The following KCNMB4 variants were observed in gnomAD, a reference collection of about 807,000 sequenced individuals.
The protein encoded by KCNMB4 is calcium-activated potassium channel subunit beta-4.
A neutral mutation model predicts 20.7 loss-of-function variants in KCNMB4; 3 were observed. The ratio of observed to expected loss-of-function variants is 0.14; its 90% confidence interval spans 0.07 to 0.37. The LOEUF is 0.37. KCNMB4 is among the 10% of genes least tolerant of loss of function. The pLI is 1.00. For synonymous variants in KCNMB4, 110 were observed against 113.4 expected (o/e 0.97, Z 0.19); for missense variants, 168 against 265.9 (o/e 0.63, Z 2.56).
rs1428103027 is a variant in KCNMB4 at position 70,366,612 on chromosome 12, TC to T, written c.-119del. The T allele has an allele frequency of 1.6e-6, 1 of 613,782 alleles. No individual in the cohort carries two copies. Among genetic ancestry groups the T allele is most frequent in the African/African-American group, 2.0e-5 (1 of 48,856 alleles). The allele number at this position is 613,782 out of a possible 1,614,324, so 38.0% of individuals were successfully genotyped here. Reference sequence around the variant, plus strand: ...TCGCGCGCTCCCCCTCGCCGCCCACTCCCCTGCTGTCGCGCGGCGGCGGCGG... The same window carrying T: ...TCGCGCGCTCCCCCTCGCCGCCCACTCCCTGCTGTCGCGCGGCGGCGGCGG... On this transcript the variant is annotated 5_prime_UTR_variant, in exon 1 of 3. Coordinates refer to ENST00000258111, the MANE Select transcript of KCNMB4 (RefSeq NM_014505.6).
chr12:70,380,230 G>A (rs919969515), intron 1 of KCNMB4, among the ~76,000 whole-genome samples: 1 of 152,164 alleles, frequency 6.6e-6, no homozygotes, highest in African/African-American at 2.4e-5. Flanking sequence ...TAGAGAGACA[G>A]GGGAACAGGT....
chr12:70,409,202 C>G (rs374065550), intron 2 of KCNMB4, among the ~76,000 whole-genome samples: 1 of 152,132 alleles, frequency 6.6e-6, no homozygotes, highest in Non-Finnish European at 1.5e-5. Context: ...CAAACACACA[C>G]GTCAAATGAA....
At chr12:70,405,107 C>A (rs1419393516) in intron 2 of KCNMB4, among the ~76,000 whole-genome samples, 3 of 152,008 alleles carry the variant, frequency 2.0e-5, no homozygotes, top group Admixed American at 1.3e-4. Context: ...TTAGGTACAG[C>A]CTTTGATAAG....
chr12:70,423,375 A>C (rs1869120888), intron 2 of KCNMB4, among the ~76,000 whole-genome samples: 1 of 152,230 alleles, frequency 6.6e-6, no homozygotes, highest in African/African-American at 2.4e-5. Flanking sequence ...TGTTTATAAC[A>C]TTCATACATC....
rs150964698 is a variant in KCNMB4 at position 70,395,318 on chromosome 12, A to G, written c.337-4891A>G. Among the ~76,000 whole-genome samples, 409 of 152,248 alleles carry G rather than the reference A, an allele frequency of 2.7e-3. 3 individuals carry two copies. The highest frequency in any genetic ancestry group is 9.5e-3 in the African/African-American group (395 of 41,540). On this transcript the variant is annotated intron_variant, in intron 1 of 2. Coordinates refer to ENST00000258111, the MANE Select transcript of KCNMB4 (RefSeq NM_014505.6). ...CATTTCTGTTTCTTAGATAATTCCT[A>G]ACATAGAACCCAGTCCCTGATATTT...
intron 2 of KCNMB4, among the ~76,000 whole-genome samples, chr12:70,407,008 T>G (rs983829947): frequency 1.3e-5 from 2 of 152,178 alleles, no homozygotes; most frequent in African/African-American, 4.8e-5. Flanking sequence ...CAGTTCAGTT[T>G]GTTTCTGGAG....
At chr12:70,381,821 C>T (rs1883791909) in intron 1 of KCNMB4, among the ~76,000 whole-genome samples, 1 of 152,066 alleles carries the variant, frequency 6.6e-6, no homozygotes, top group Non-Finnish European at 1.5e-5. Flanking sequence ...CACCTCTGTG[C>T]AATCTACTAA....
intron 1 of KCNMB4, among the ~76,000 whole-genome samples, chr12:70,392,233 G>C (rs995419281): frequency 6.6e-6 from 1 of 152,112 alleles, no homozygotes; most frequent in African/African-American, 2.4e-5. Flanking sequence ...TAAGAGTATT[G>C]ACCATCTCCA....
chr12:70,371,605 G>C (rs1459628358), intron 1 of KCNMB4, among the ~76,000 whole-genome samples: 2 of 152,128 alleles, frequency 1.3e-5, no homozygotes, highest in Admixed American at 1.3e-4. Flanking sequence ...TTTCTTGGTT[G>C]TTTTTCCTTT....
At chr12:70,388,058 A>G in intron 1 of KCNMB4, among the ~76,000 whole-genome samples, 1 of 152,110 alleles carries the variant, frequency 6.6e-6, no homozygotes, top group South Asian at 2.1e-4. Flanking sequence ...GATCTCTCAA[A>G]TAAGTGAGAA....
chr12:70,384,720 A>G (rs1337142922), intron 1 of KCNMB4, among the ~76,000 whole-genome samples: 1 of 152,094 alleles, frequency 6.6e-6, no homozygotes, highest in Non-Finnish European at 1.5e-5. Flanking sequence ...CTCTGTTTCT[A>G]AAACAATTTT....
In KCNMB4 at chr12:70,367,083, C is replaced by G; in HGVS notation, c.336+13C>G. On this transcript the variant is annotated intron_variant, in intron 1 of 2. Coordinates refer to ENST00000258111, the MANE Select transcript of KCNMB4 (RefSeq NM_014505.6). ...GACCAACCCCAAGGTAAGAACGCCC[C>G]GCGCACCCAGGGGCTCCCCGCGAGG... is the stretch of plus-strand genomic sequence containing the variant. The G allele has an allele frequency of 2.7e-6, 4 of 1,495,680 alleles. No individual in the cohort carries two copies. Among genetic ancestry groups the G allele is most frequent in the Non-Finnish European group, 3.6e-6 (4 of 1,120,104 alleles). The allele number at this position is 1,495,680 out of a possible 1,614,324, so 92.7% of individuals were successfully genotyped here. A position where few individuals can be genotyped will look rare whatever the true frequency, so the allele number is the denominator to read the frequency against.
At chr12:70,403,788 G>A (rs1282608282) in intron 2 of KCNMB4, among the ~76,000 whole-genome samples, 3 of 152,158 alleles carry the variant, frequency 2.0e-5, no homozygotes, top group Non-Finnish European at 4.4e-5. Flanking sequence ...CCCATTACTG[G>A]AATTGTTTGT....
intron 1 of KCNMB4, among the ~76,000 whole-genome samples, chr12:70,370,313 T>TC (rs1883568881): frequency 6.7e-6 from 1 of 148,616 alleles, no homozygotes; most frequent in African/African-American, 2.5e-5. Flanking sequence ...TTTTGTTTTT[T>TC]TGTTTTTTTT....
intron 1 of KCNMB4, among the ~76,000 whole-genome samples, chr12:70,371,303 T>G (rs996702053): frequency 1.3e-4 from 20 of 152,330 alleles, no homozygotes; most frequent in Admixed American, 3.3e-4. Context: ...TAGGTGGGAC[T>G]GAATAAGGCT....
At chr12:70,389,780 A>T (rs1381512959) in intron 1 of KCNMB4, among the ~76,000 whole-genome samples, 2 of 152,180 alleles carry the variant, frequency 1.3e-5, no homozygotes, top group African/African-American at 4.8e-5. Flanking sequence ...GATGCACCTT[A>T]GGCCTGCTGC....
intron 1 of KCNMB4, among the ~76,000 whole-genome samples, chr12:70,382,553 C>T (rs1221353465): frequency 6.6e-6 from 1 of 151,244 alleles, no homozygotes; most frequent in Non-Finnish European, 1.5e-5. Context: ...GTGGGCAAAG[C>T]TTTTCTAAAC....
At chr12:70,378,144 CAG>C (rs1405829860) in intron 1 of KCNMB4, among the ~76,000 whole-genome samples, 11 of 151,928 alleles carry the variant, frequency 7.2e-5, no homozygotes, top group Non-Finnish European at 1.5e-4. Context: ...GTAGTAGAGA[CAG>C]GGTTTCATCA....
At position 70,423,210 on chromosome 12, in the gene KCNMB4, G is replaced by A. The variant is rs181820478; in HGVS notation, c.465-7275G>A. Among the ~76,000 whole-genome samples the A allele has an allele frequency of 1.9e-3, 291 of 152,226 alleles. 1 individual carries two copies. Among genetic ancestry groups the A allele is most frequent in the Non-Finnish European group, 3.1e-3 (211 of 68,016 alleles). ...TCTGGATATCCTGCCAAAACTGAAT[G>A]CAAATTTTTCTCTCCAAAAACTGCA... On this transcript the variant is annotated intron_variant, in intron 2 of 2. Transcript: ENST00000258111.
Sources: gnomAD v4.1 joint callset for allele counts (sites outside exome capture counted in the v4.1 genomes callset) on GRCh38, gnomAD v4.1.1 for gene constraint, MANE v1.5 for transcripts, NCBI Gene and HGNC (gene_info 2026-07-23, HGNC 2026-07-21) for gene names.